The following CDKL4 variants were observed in gnomAD, a reference collection of about 807,000 sequenced individuals.
CDKL4 encodes the protein cyclin-dependent kinase-like 4.
Under a neutral mutation model 42.0 loss-of-function variants are expected in CDKL4, and 44 were observed. That is an observed-to-expected ratio of 1.05 (90% CI 0.82 to 1.35). The LOEUF (loss-of-function observed/expected upper bound fraction) is 1.35. Ranked by LOEUF, CDKL4 falls within the 40% of genes most tolerant of loss-of-function variation. The pLI is 0.00. For missense variants in CDKL4, 393 were observed against 369.9 expected (o/e 1.06, Z -0.51); for synonymous variants, 120 against 121.6 (o/e 0.99, Z 0.09).
At chr2:39,216,711 G>A (rs1456758477) in intron 3 of CDKL4, among the ~76,000 whole-genome samples, 2 of 152,150 alleles carry the variant, frequency 1.3e-5, no homozygotes, top group African/African-American at 2.4e-5. Flanking sequence ...CGCTAGTCTG[G>A]TTGGGATCTA....
At chr2:39,172,802 G>A (rs1166599054), downstream of CDKL4, among the ~76,000 whole-genome samples, 2 of 152,130 alleles carry the variant, frequency 1.3e-5, no homozygotes, top group African/African-American at 2.4e-5. Context: ...GACCGGTCTC[G>A]AACTCCTGAC....
At chr2:39,246,509 C>A (rs1290013271), upstream of CDKL4, among the ~76,000 whole-genome samples, 2 of 152,224 alleles carry the variant, frequency 1.3e-5, no homozygotes, top group African/African-American at 4.8e-5. Context: ...CTCTTCACAA[C>A]CAGGCCCATC....
intron 5 of CDKL4, among the ~76,000 whole-genome samples, chr2:39,199,086 CA>C (rs1371556271): frequency 1.3e-5 from 2 of 151,746 alleles, no homozygotes; most frequent in Non-Finnish European, 2.9e-5. Context: ...ATTGATAGGC[CA>C]TTAGCAAGAT....
chr2:39,184,302 G>A (rs965755038), intron 8 of CDKL4, among the ~76,000 whole-genome samples: 16 of 152,292 alleles, frequency 1.1e-4, no homozygotes, highest in South Asian at 4.1e-4. Context: ...CTTTTTATTT[G>A]AATCTGTCCT....
chr2:39,213,215 G>A lies in CDKL4; in HGVS notation c.363+185C>T, dbSNP rs1405511738. Among the ~76,000 whole-genome samples, 3 of 151,932 alleles carry A rather than the reference G, an allele frequency of 2.0e-5. No homozygotes were observed. In the East Asian group the frequency reaches 5.8e-4, roughly 29 times the overall value. On this transcript the variant is annotated intron_variant, in intron 4 of 9. Transcript: ENST00000451199. ...GCCCAGGCCTGTCTCAAACTCTGGG[G>A]CTCATGTGATCCTCCCACTTCAGCC...
intron 7 of CDKL4, among the ~76,000 whole-genome samples, chr2:39,185,388 ATGTATATATACATATG>A (rs1270292757): frequency 3.6e-5 from 2 of 55,846 alleles, no homozygotes; most frequent in Admixed American, 1.9e-4. Context: ...GTATATATAC[ATGTATATATACATATG>A]TGTATATATA....
chr2:39,202,063 C>T lies in CDKL4; in HGVS notation c.454+2464G>A, dbSNP rs117151870. 1.3e-3 allele frequency among the ~76,000 whole-genome samples: 204 copies of T among 152,220 alleles called. 3 individuals carry two copies. The East Asian group carries it at 0.021, about 15-fold the overall frequency. On this transcript the variant is annotated intron_variant, in intron 5 of 9. Coordinates refer to ENST00000451199, the Ensembl canonical transcript of CDKL4. ...CCTGGCCAACATTGCAAAAACTCAT[C>T]TCTACTAAAAATTTAAAAATTAGCT...
intron 3 of CDKL4, among the ~76,000 whole-genome samples, chr2:39,217,820 G>A (rs543901258): frequency 2.6e-5 from 4 of 152,082 alleles, no homozygotes; most frequent in African/African-American, 9.6e-5. Flanking sequence ...CGCAACCTCC[G>A]CCTCCTGGGT....
chr2:39,189,405 A>C (rs1676040129), intron 6 of CDKL4, among the ~76,000 whole-genome samples: 1 of 152,240 alleles, frequency 6.6e-6, no homozygotes, highest in Non-Finnish European at 1.5e-5. Flanking sequence ...TTCCTCGTTT[A>C]TAACATAGGC....
chr2:39,170,582 G>A, the CDKL4 span, among the ~76,000 whole-genome samples: 12 of 151,872 alleles, frequency 7.9e-5, no homozygotes, highest in East Asian at 2.0e-4. Flanking sequence ...TCAGCCTCCC[G>A]AGTAGCTGGG....
At chr2:39,180,568 T>A (rs2148281001) in intron 8 of CDKL4, among the ~76,000 whole-genome samples, 1 of 152,296 alleles carries the variant, frequency 6.6e-6, no homozygotes, top group Admixed American at 6.5e-5. Context: ...GTCAACTGCC[T>A]GGTCCAAGCA....
intron 1 of CDKL4, among the ~76,000 whole-genome samples, chr2:39,241,561 C>A (rs934671464): frequency 2.0e-5 from 3 of 152,190 alleles, no homozygotes; most frequent in Admixed American, 6.5e-5. Context: ...CAGTTCTGTA[C>A]GCCGTGGCCC....
chr2:39,234,700 G>C (rs1440927197), intron 1 of CDKL4, among the ~76,000 whole-genome samples: 3 of 152,226 alleles, frequency 2.0e-5, no homozygotes, highest in Middle Eastern at 3.4e-3. Flanking sequence ...AATACTCTCT[G>C]AGCCTCCAGA....
At chr2:39,169,096 A>G in the CDKL4 span, among the ~76,000 whole-genome samples, 1 of 152,184 alleles carries the variant, frequency 6.6e-6, no homozygotes, top group Non-Finnish European at 1.5e-5. Flanking sequence ...CAATTCAGAT[A>G]TATCTGTAAA....
At chr2:39,241,207 G>A (rs751347569) in intron 1 of CDKL4, among the ~76,000 whole-genome samples, 1 of 152,182 alleles carries the variant, frequency 6.6e-6, no homozygotes, top group Non-Finnish European at 1.5e-5. Flanking sequence ...TACGGGTGAA[G>A]GGATCTGATG....
chr2:39,236,995 A>G (rs1213342029), intron 1 of CDKL4, among the ~76,000 whole-genome samples: 1 of 152,254 alleles, frequency 6.6e-6, no homozygotes, highest in Non-Finnish European at 1.5e-5. Flanking sequence ...TTTGCAAACT[A>G]TTTGAAAACA....
intron 5 of CDKL4, among the ~76,000 whole-genome samples, chr2:39,201,736 G>C (rs1372274926): frequency 6.6e-6 from 1 of 152,068 alleles, no homozygotes; most frequent in East Asian, 1.9e-4. Context: ...AAATAACTCA[G>C]GAATAGAAAA....
intron 3 of CDKL4, among the ~76,000 whole-genome samples, chr2:39,214,088 A>G (rs1409964767): frequency 2.0e-5 from 3 of 151,862 alleles, no homozygotes; most frequent in African/African-American, 7.3e-5. Context: ...ATACCCGGCT[A>G]ATTTTTGTAT....
chr2:39,182,373 C>G (rs1179116203), intron 8 of CDKL4, among the ~76,000 whole-genome samples: 1 of 152,142 alleles, frequency 6.6e-6, no homozygotes, highest in Non-Finnish European at 1.5e-5. Flanking sequence ...TTTTAAAGAA[C>G]ATTTTTAGAT....
Sources: allele counts gnomAD v4.1 joint callset (sites outside exome capture counted in the v4.1 genomes callset), GRCh38; gene constraint gnomAD v4.1.1; transcripts MANE v1.5; gene names NCBI Gene and HGNC (gene_info 2026-07-23, HGNC 2026-07-21).